TMEM237: variants seen among roughly 807,000 people sequenced by gnomAD.
TMEM237 encodes amyotrophic lateral sclerosis 2 (juvenile) chromosome region, candidate 4.
Under a neutral mutation model 59.1 loss-of-function variants are expected in TMEM237, and 51 were observed. The ratio of observed to expected loss-of-function variants is 0.86; its 90% CI spans 0.69 to 1.09. The LOEUF is 1.09. Among genes scored for constraint, TMEM237 ranks in the 50% least tolerant of loss-of-function variants. The probability of loss-of-function intolerance (pLI) is 0.00; values close to 1 mark genes in which losing one functional copy is unlikely to be tolerated. For synonymous variants in TMEM237, 140 were observed against 166.1 expected, an observed-to-expected ratio of 0.84 and a Z score of 1.21; for missense variants, 475 against 478.3, an observed-to-expected ratio of 0.99 and a Z score of 0.06.
Position 201,639,110 on chromosome 2 carries a change from A to G in TMEM237, c.80-65T>C. 2.8e-6 allele frequency: 4 copies of G among 1,430,706 alleles called. No homozygotes were observed. In the Middle Eastern group the frequency reaches 5.2e-4, roughly 187 times the overall value. The allele number at this position is 1,430,706 out of a possible 1,614,324, so 88.6% of individuals were successfully genotyped here. The stretch of plus-strand genomic sequence containing the variant: ...AAAATTCAATGCAGAGAACAGTCAG[A>G]AGAGAACTTTTAAACAGGGAAGAAT... On this transcript the variant is annotated intron_variant, in intron 3 of 12. Coordinates refer to ENST00000409883, the MANE Select transcript of TMEM237 (RefSeq NM_001044385.3).
Position 201,628,099 on chromosome 2 carries a change from T to C in TMEM237, c.920A>G (p.Asp307Gly), listed in dbSNP as rs2105898418. ...SVAIRNFLALDPTALASFLYF... is the reference protein window; with the variant it reads ...SVAIRNFLALGPTALASFLYF... The stretch of plus-strand genomic sequence containing the variant: ...ACAGAAAGATGCTAAAGCTGTAGGA[T>C]CCAGGGCCAAAAAATTTCGGATTGC... The change falls in exon 10 of 13, where the codon GAT (aspartate) becomes GGT (glycine). Residue 307 changes from aspartate (D) to glycine (G), a missense_variant. Asp to Gly is a moderately conservative substitution (Grantham distance 94). Coordinates refer to ENST00000409883, the MANE Select transcript of TMEM237 (RefSeq NM_001044385.3). The C allele has an allele frequency of 5.0e-6, 8 of 1,608,324 alleles. No individual in the cohort carries two copies. The highest frequency in any genetic ancestry group is 6.8e-6 in the Non-Finnish European group (8 of 1,177,276).
intron 5 of TMEM237, among the ~76,000 whole-genome samples, chr2:201,633,640 A>G (rs1687226383): frequency 6.6e-6 from 1 of 152,240 alleles, no homozygotes; most frequent in Non-Finnish European, 1.5e-5. Flanking sequence ...AATATGGAAA[A>G]AAATTAAGTA....
intron 1 of TMEM237, chr2:201,642,688 G>A (rs1294889156): frequency 1.3e-6 from 2 of 1,596,716 alleles, no homozygotes; most frequent in Non-Finnish European, 1.7e-6. Context: ...CACCCCTCCC[G>A]GCTCGGTCGC....
intron 2 of TMEM237, among the ~76,000 whole-genome samples, chr2:201,640,619 AT>A (rs1687393990): frequency 6.6e-6 from 1 of 151,996 alleles, no homozygotes; most frequent in Non-Finnish European, 1.5e-5. Flanking sequence ...CAGAATTCTG[AT>A]TTAAAAAAAA....
chr2:201,640,433 G>A (rs942016199), intron 2 of TMEM237, among the ~76,000 whole-genome samples, 168 bp from the exon 3 acceptor site: 1 of 152,114 alleles, frequency 6.6e-6, no homozygotes, highest in Non-Finnish European at 1.5e-5. Context: ...CTAGTTTACT[G>A]TTTATAATTA....
At position 201,623,297 on chromosome 2, in the gene TMEM237, G is replaced by A; in HGVS notation, c.*958C>T. The A allele has an allele frequency of 2.6e-6, 1 of 390,156 alleles. No homozygotes were observed. The highest frequency in any genetic ancestry group is 5.2e-6 in the Non-Finnish European group (1 of 192,720). 24.2% of individuals were successfully genotyped at this position (390,156 alleles called of 1,614,324 possible). ...GTCTTCTCCTCAACTTGAGCTTTAGGGTCTCATATACAACAGCTGAGGTAC... is the reference window on the plus strand; with the variant it reads ...GTCTTCTCCTCAACTTGAGCTTTAGAGTCTCATATACAACAGCTGAGGTAC... On this transcript the variant is annotated 3_prime_UTR_variant, in exon 13 of 13. Coordinates refer to ENST00000409883, the MANE Select transcript of TMEM237 (RefSeq NM_001044385.3).
At chr2:201,638,227 G>C (rs1010973620) in intron 4 of TMEM237, among the ~76,000 whole-genome samples, 1 of 152,200 alleles carries the variant, frequency 6.6e-6, no homozygotes, top group Admixed American at 6.5e-5. Flanking sequence ...AAGATAGTAT[G>C]TATGATTCCT....
intron 1 of TMEM237, chr2:201,642,792 G>C: frequency 7.1e-7 from 1 of 1,416,470 alleles, no homozygotes; most frequent in Non-Finnish European, 9.1e-7. Flanking sequence ...GGCGTGCAGG[G>C]ACCTGGATTG....
At position 201,622,211 on chromosome 2, in the gene TMEM237, A is replaced by G. The variant is rs886055440; in HGVS notation, c.*2044T>C. ...TATTATCAATGTAGCCAGCTTTCCC[A>G]AGTGCATTCCACAGCAGCTCTAGCC... On this transcript the variant is annotated 3_prime_UTR_variant, in exon 13 of 13. Transcript: ENST00000409883. The G allele has an allele frequency of 6.6e-6, 1 of 152,238 alleles. No individual in the cohort carries two copies. The highest frequency in any genetic ancestry group is 1.9e-4 in the East Asian group (1 of 5,204). 9.4% of individuals were successfully genotyped at this position (152,238 alleles called of 1,614,324 possible). A position where few individuals can be genotyped will look rare whatever the true frequency, so the allele number is the denominator to read the frequency against.
At chr2:201,636,488 C>A in intron 5 of TMEM237, 1 of 344,560 alleles carries the variant, frequency 2.9e-6, no homozygotes, top group Non-Finnish European at 5.2e-6. Flanking sequence ...TTTTTCTATG[C>A]ACTGAGATCT....
chr2:201,640,828 T>A, intron 2 of TMEM237, 65 bp downstream of exon 2: 1 of 1,366,898 alleles, frequency 7.3e-7, no homozygotes, highest in Non-Finnish European at 1.0e-6. Flanking sequence ...ACTAGTCAAT[T>A]TTTCCACTGT....
At chr2:201,626,615 C>A (rs1957761219) in intron 11 of TMEM237, among the ~76,000 whole-genome samples, 1 of 150,094 alleles carries the variant, frequency 6.7e-6, no homozygotes, top group Admixed American at 6.6e-5. Context: ...AGCTTCATGG[C>A]TGGCCGCTGA....
chr2:201,624,232 A>T lies in TMEM237; in HGVS notation c.*23T>A. 6.3e-7 allele frequency: 1 copy of T among 1,596,136 alleles called. No individual in the cohort carries two copies. The highest frequency in any genetic ancestry group is 8.6e-7 in the Non-Finnish European group (1 of 1,165,942). On this transcript the variant is annotated 3_prime_UTR_variant, in exon 13 of 13. Transcript: ENST00000409883. ...AAAATGGGACAAATACTGGGTCATTATTCCTCCAAAGGTGAGCTGGTATTA... is the reference window on the plus strand; with the variant it reads ...AAAATGGGACAAATACTGGGTCATTTTTCCTCCAAAGGTGAGCTGGTATTA...
At chr2:201,632,680 G>T (rs1404566977) in intron 6 of TMEM237, among the ~76,000 whole-genome samples, 6 of 152,158 alleles carry the variant, frequency 3.9e-5, no homozygotes, top group Non-Finnish European at 2.9e-5. Context: ...CTTCCACCAT[G>T]ATAGTAAGTT....
Position 201,622,470 on chromosome 2 carries a change from G to A in TMEM237, c.*1785C>T, listed in dbSNP as rs1211100941. On this transcript the variant is annotated 3_prime_UTR_variant, in exon 13 of 13. Coordinates refer to ENST00000409883, the MANE Select transcript of TMEM237 (RefSeq NM_001044385.3). Reference sequence around the variant, plus strand: ...TACTCATAGAACTCAGTTCCTTGTGGTTATGTGACTGAAATCCATTTCCTT... The same window carrying A: ...TACTCATAGAACTCAGTTCCTTGTGATTATGTGACTGAAATCCATTTCCTT... 4.6e-5 allele frequency: 7 copies of A among 152,186 alleles called. No individual in the cohort carries two copies. Among genetic ancestry groups the A allele is most frequent in the Admixed American group, 4.6e-4 (7 of 15,284 alleles). The allele number at this position is 152,186 out of a possible 1,614,324, so 9.4% of individuals were successfully genotyped here.
At chr2:201,627,886 C>A (rs1957772769) in intron 10 of TMEM237, among the ~76,000 whole-genome samples, 190 bp downstream of exon 10, 1 of 151,980 alleles carries the variant, frequency 6.6e-6, no homozygotes. Context: ...TTTAGATGAA[C>A]CTCAATTGAA....
chr2:201,631,365 C>T (rs192817772), intron 7 of TMEM237: 15 of 152,212 alleles, frequency 9.9e-5, no homozygotes, highest in Non-Finnish European at 1.5e-4. Flanking sequence ...GCCACTTAGT[C>T]GGTGGTATTT....
chr2:201,636,561 A>C (rs1687299878), intron 5 of TMEM237, 187 bp downstream of exon 5: 2 of 631,804 alleles, frequency 3.2e-6, no homozygotes, highest in East Asian at 2.9e-5. Context: ...ATATGATCAA[A>C]AGAGACCTGT....
At chr2:201,634,322 C>G (rs1250100153) in intron 5 of TMEM237, 2 of 152,240 alleles carry the variant, frequency 1.3e-5, no homozygotes, top group East Asian at 3.8e-4. Context: ...CAAGACCTTA[C>G]AATTCTATTG....
Sources: allele counts gnomAD v4.1 joint callset (sites outside exome capture counted in the v4.1 genomes callset), GRCh38; gene constraint gnomAD v4.1.1; transcripts MANE v1.5; gene names NCBI Gene and HGNC (gene_info 2026-07-23, HGNC 2026-07-21).